The following ANKS1B variants were observed in gnomAD, a reference collection of about 807,000 sequenced individuals.
The protein encoded by ANKS1B is ankyrin repeat and sterile alpha motif domain containing 1B.
Under a neutral mutation model 148.3 loss-of-function variants are expected in ANKS1B, and 36 were observed. The observed-to-expected ratio is 0.24, with a 90% confidence interval of 0.19 to 0.32. ANKS1B has a LOEUF of 0.32. Among genes scored for constraint, ANKS1B ranks in the 10% least tolerant of loss-of-function variants. ANKS1B has a pLI of 1.00. For synonymous variants in ANKS1B, 542 were observed against 560.8 expected (o/e 0.97, Z 0.47); for missense variants, 1,157 against 1,542.6 (o/e 0.75, Z 4.19).
chr12:99,971,936 C>T, intron 1 of ANKS1B, among the ~76,000 whole-genome samples: 1 of 152,104 alleles, frequency 6.6e-6, no homozygotes, highest in East Asian at 1.9e-4. Context: ...TTATAGGAAC[C>T]ATGTGTCTAA....
At chr12:99,764,687 T>G (rs1368709310) in intron 8 of ANKS1B, among the ~76,000 whole-genome samples, 1 of 152,154 alleles carries the variant, frequency 6.6e-6, no homozygotes, top group African/African-American at 2.4e-5. Context: ...CCTCCCAAAG[T>G]GCTGAGATTA....
At chr12:99,523,811 C>T (rs914599018) in intron 9 of ANKS1B, among the ~76,000 whole-genome samples, 1 of 152,134 alleles carries the variant, frequency 6.6e-6, no homozygotes, top group Admixed American at 6.5e-5. Context: ...CTCAGCCTCC[C>T]AAAGTGCTGG....
At chr12:99,503,423 G>T (rs1429035044) in intron 10 of ANKS1B, among the ~76,000 whole-genome samples, 1 of 152,100 alleles carries the variant, frequency 6.6e-6, no homozygotes, top group Non-Finnish European at 1.5e-5. Flanking sequence ...GGGAAGCAAG[G>T]TCTGTGTTTC....
chr12:98,853,924 C>T (rs1197026309), intron 17 of ANKS1B, among the ~76,000 whole-genome samples: 2 of 152,170 alleles, frequency 1.3e-5, no homozygotes, highest in African/African-American at 4.8e-5. Flanking sequence ...AGAAGGCCCC[C>T]TCAGCACTCG....
chr12:99,469,869 A>G (rs1166607085), intron 10 of ANKS1B, among the ~76,000 whole-genome samples: 1 of 152,050 alleles, frequency 6.6e-6, no homozygotes, highest in Non-Finnish European at 1.5e-5. Context: ...CCAAAAATCA[A>G]AGCATTTTGG....
chr12:99,069,633 C>T (rs1167603577), intron 16 of ANKS1B, among the ~76,000 whole-genome samples: 1 of 152,164 alleles, frequency 6.6e-6, no homozygotes, highest in Non-Finnish European at 1.5e-5. Context: ...ATTCATGGAA[C>T]AACAAGTAAA....
intron 1 of ANKS1B, among the ~76,000 whole-genome samples, chr12:99,915,008 C>A (rs780531107): frequency 6.6e-5 from 10 of 151,926 alleles, no homozygotes; most frequent in Admixed American, 1.3e-4. Flanking sequence ...GGTGGATCAC[C>A]TGAGATCAGG....
At chr12:99,878,323 C>A (rs2092263546) in intron 1 of ANKS1B, among the ~76,000 whole-genome samples, 1 of 152,140 alleles carries the variant, frequency 6.6e-6, no homozygotes, top group African/African-American at 2.4e-5. Context: ...TCATATCTAA[C>A]TACAAAGGAA....
intron 10 of ANKS1B, among the ~76,000 whole-genome samples, chr12:99,449,325 T>A (rs929562447): frequency 1.3e-5 from 2 of 152,182 alleles, no homozygotes; most frequent in African/African-American, 4.8e-5. Flanking sequence ...TCTGTGTTGC[T>A]TATTATTCAA....
intron 11 of ANKS1B, among the ~76,000 whole-genome samples, chr12:99,437,693 A>G (rs1208104118): frequency 2.6e-5 from 4 of 151,918 alleles, no homozygotes; most frequent in African/African-American, 9.7e-5. Flanking sequence ...AATTAGATGT[A>G]TACACACCTC....
intron 12 of ANKS1B, among the ~76,000 whole-genome samples, chr12:99,262,212 A>G (rs1278683177): frequency 6.6e-6 from 1 of 152,070 alleles, no homozygotes; most frequent in African/African-American, 2.4e-5. Flanking sequence ...TCCCTGCTTT[A>G]TAGTTTCTCC....
In ANKS1B at chr12:99,065,626, CCATCCATCCATCCCATCCAT is replaced by C. The variant is rs1336842756; in HGVS notation, c.2626-12337_2626-12318del. 1.8e-4 allele frequency among the ~76,000 whole-genome samples: 23 copies of C among 130,384 alleles called. No homozygotes were observed. The East Asian group carries it at 1.9e-3, about 11-fold the overall frequency. The allele number at this position is 130,384 out of a possible 152,430, so 85.5% of individuals were successfully genotyped here. A position where few individuals can be genotyped will look rare whatever the true frequency, so the allele number is the denominator to read the frequency against. On this transcript the variant is annotated intron_variant, in intron 16 of 26. Transcript: ENST00000683438. ...TCCATCCATCCATCCATCCATCCATCCATCCATCCATCCCATCCATCCATCCATCCATCCATCCATCCATC... is the reference window on the plus strand; with the variant it reads ...TCCATCCATCCATCCATCCATCCATCCCATCCATCCATCCATCCATCCATC...
intron 17 of ANKS1B, among the ~76,000 whole-genome samples, chr12:98,844,322 G>A (rs2099430347): frequency 6.6e-6 from 1 of 152,184 alleles, no homozygotes; most frequent in African/African-American, 2.4e-5. Flanking sequence ...TATAAAATGA[G>A]CTTCATAAAA....
intron 8 of ANKS1B, among the ~76,000 whole-genome samples, chr12:99,686,939 A>AT (rs1001366874): frequency 6.6e-6 from 1 of 152,114 alleles, no homozygotes; most frequent in Non-Finnish European, 1.5e-5. Context: ...GGAACCTTTC[A>AT]TTTTTTGGTA....
chr12:99,344,379 G>T (rs2090366821), intron 12 of ANKS1B, among the ~76,000 whole-genome samples: 1 of 151,896 alleles, frequency 6.6e-6, no homozygotes, highest in Non-Finnish European at 1.5e-5. Flanking sequence ...TCATGCTATT[G>T]TATCATAATT....
At chr12:99,335,329 G>A (rs2088582895) in intron 12 of ANKS1B, among the ~76,000 whole-genome samples, 1 of 151,728 alleles carries the variant, frequency 6.6e-6, no homozygotes, top group South Asian at 2.1e-4. Flanking sequence ...CTAATCTCAA[G>A]CATTTATTAT....
intron 9 of ANKS1B, among the ~76,000 whole-genome samples, chr12:99,563,150 T>C (rs1438407663): frequency 6.6e-6 from 1 of 152,228 alleles, no homozygotes; most frequent in Non-Finnish European, 1.5e-5. Context: ...CAAAACTTTA[T>C]TCACATCAGC....
At chr12:99,264,583 T>C (rs975685917) in intron 12 of ANKS1B, among the ~76,000 whole-genome samples, 2 of 152,268 alleles carry the variant, frequency 1.3e-5, no homozygotes, top group Non-Finnish European at 2.9e-5. Flanking sequence ...GTTAGCATTT[T>C]GGAAAATGCT....
chr12:99,929,045 T>C (rs899064881), intron 1 of ANKS1B, among the ~76,000 whole-genome samples: 1 of 152,242 alleles, frequency 6.6e-6, no homozygotes, highest in African/African-American at 2.4e-5. Flanking sequence ...GCTTTAATAT[T>C]ATACAATTGC....
Sources: gnomAD v4.1 joint callset for allele counts (sites outside exome capture counted in the v4.1 genomes callset) on GRCh38, gnomAD v4.1.1 for gene constraint, MANE v1.5 for transcripts, NCBI Gene and HGNC (gene_info 2026-07-23, HGNC 2026-07-21) for gene names.